The following ARHGAP12 variants were observed in gnomAD, a reference collection of about 807,000 sequenced individuals.
ARHGAP12 encodes the protein Rho GTPase activating protein 12.
In ARHGAP12, 64 loss-of-function variants were observed where a neutral mutation model predicts 108.6. That is an observed-to-expected ratio of 0.59 (90% CI 0.48 to 0.73). The LOEUF (loss-of-function observed/expected upper bound fraction) is 0.73, where lower values mean the gene tolerates loss of function less well. ARHGAP12 is among the 30% of genes least tolerant of loss of function. The probability of loss-of-function intolerance (pLI) is 0.00; values close to 1 mark genes in which losing one functional copy is unlikely to be tolerated. For synonymous variants in ARHGAP12, 312 were observed against 337.2 expected (o/e 0.93, Z 0.82); for missense variants, 940 against 1,005.9 (o/e 0.93, Z 0.89).
chr10:31,842,337 T>C (rs1173590263), intron 7 of ARHGAP12, among the ~76,000 whole-genome samples: 3 of 152,096 alleles, frequency 2.0e-5, no homozygotes, highest in Non-Finnish European at 2.9e-5. Flanking sequence ...TAGGTATTTT[T>C]CTTACCTAGA....
chr10:31,840,532 AAG>A (rs1255402843), intron 7 of ARHGAP12, among the ~76,000 whole-genome samples: 1 of 152,094 alleles, frequency 6.6e-6, no homozygotes, highest in Non-Finnish European at 1.5e-5. Flanking sequence ...ATTTCAGAAA[AAG>A]AGAATTTTTT....
At chr10:31,832,724 A>G (rs757085851) in intron 9 of ARHGAP12, among the ~76,000 whole-genome samples, 2 of 152,210 alleles carry the variant, frequency 1.3e-5, no homozygotes, top group East Asian at 1.9e-4. Flanking sequence ...TTACTCTGCT[A>G]TATTTTCTCA....
chr10:31,919,958 A>C (rs572745639), intron 1 of ARHGAP12, among the ~76,000 whole-genome samples: 3 of 151,572 alleles, frequency 2.0e-5, no homozygotes, highest in Admixed American at 2.0e-4. Context: ...TCTACTAAAA[A>C]TACAAAAATT....
At chr10:31,818,388 A>C (rs1403568244) in intron 12 of ARHGAP12, among the ~76,000 whole-genome samples, 2 of 152,232 alleles carry the variant, frequency 1.3e-5, no homozygotes, top group Non-Finnish European at 2.9e-5. Flanking sequence ...GAGCAGGCAT[A>C]AATGTCACAC....
chr10:31,925,891 T>C (rs1339967646), intron 1 of ARHGAP12, among the ~76,000 whole-genome samples: 2 of 143,988 alleles, frequency 1.4e-5, no homozygotes, highest in African/African-American at 4.9e-5. Flanking sequence ...AAATATCTCA[T>C]TAATAATTTT....
At chr10:31,814,920 C>A (rs184715422) in intron 13 of ARHGAP12, among the ~76,000 whole-genome samples, 3 of 151,958 alleles carry the variant, frequency 2.0e-5, no homozygotes, top group South Asian at 2.1e-4. Context: ...GAGATTGAGA[C>A]CAGCCTGGCC....
chr10:31,926,567 A>C (rs1397370032), intron 1 of ARHGAP12, among the ~76,000 whole-genome samples: 2 of 152,200 alleles, frequency 1.3e-5, no homozygotes, highest in Non-Finnish European at 2.9e-5. Flanking sequence ...TGTGATGCCC[A>C]TTTTCTCAGG....
intron 3 of ARHGAP12, among the ~76,000 whole-genome samples, chr10:31,885,274 G>A (rs999529486): frequency 7.2e-5 from 11 of 151,940 alleles, no homozygotes; most frequent in African/African-American, 2.7e-4. Flanking sequence ...TCTTAACCTG[G>A]GAACAGGAAA....
Position 31,820,474 on chromosome 10 carries a change from C to G in ARHGAP12, c.1545G>C (p.Gln515His). Reference protein sequence around the residue: ...GSSTSWFGSNQSKPEFTVDLK... With the variant: ...GSSTSWFGSNHSKPEFTVDLK... ...GGTCCACTGTGAACTCTGGTTTGGA[C>G]TGATTACTGCCAAACTTCATTTTTG... is the stretch of plus-strand genomic sequence containing the variant. The change falls in exon 12 of 20, where the codon CAG becomes CAC. Residue 515 changes from glutamine to histidine, a missense_variant. Transcript: ENST00000344936. The G allele has an allele frequency of 6.3e-7, 1 of 1,595,000 alleles. No individual in the cohort carries two copies. The highest frequency in any genetic ancestry group is 1.2e-5 in the South Asian group (1 of 86,906).
intron 1 of ARHGAP12, among the ~76,000 whole-genome samples, chr10:31,927,958 A>G (rs999428722): frequency 6.6e-6 from 1 of 152,202 alleles, no homozygotes; most frequent in African/African-American, 2.4e-5. Context: ...TTCCGCCCAG[A>G]TAAGCTGGAG....
chr10:31,813,807 T>C (rs1835102638), intron 14 of ARHGAP12, among the ~76,000 whole-genome samples: 1 of 152,214 alleles, frequency 6.6e-6, no homozygotes, highest in Non-Finnish European at 1.5e-5. Context: ...ATAGAAACGC[T>C]TGCATCTGTT....
intron 3 of ARHGAP12, among the ~76,000 whole-genome samples, chr10:31,903,220 T>G (rs1838998951): frequency 6.6e-6 from 1 of 152,230 alleles, no homozygotes. Flanking sequence ...GTATAGCCTA[T>G]TGCTCCTAGG....
intron 11 of ARHGAP12, among the ~76,000 whole-genome samples, chr10:31,824,881 T>C (rs1835548545): frequency 6.6e-6 from 1 of 152,146 alleles, no homozygotes; most frequent in Non-Finnish European, 1.5e-5. Flanking sequence ...TCATCCATTT[T>C]CTTCACTCAA....
At chr10:31,846,533 T>C (rs1453594662) in intron 6 of ARHGAP12, among the ~76,000 whole-genome samples, 1 of 152,256 alleles carries the variant, frequency 6.6e-6, no homozygotes, top group African/African-American at 2.4e-5. Context: ...AAAAATGTTA[T>C]GCCACTTCTT....
intron 3 of ARHGAP12, among the ~76,000 whole-genome samples, chr10:31,905,829 A>G (rs1217413044): frequency 6.6e-6 from 1 of 151,972 alleles, no homozygotes; most frequent in Non-Finnish European, 1.5e-5. Context: ...GTATTTATAG[A>G]TCTGATGGTG....
chr10:31,866,661 G>T (rs555888093), intron 3 of ARHGAP12, among the ~76,000 whole-genome samples: 170 of 152,198 alleles, frequency 1.1e-3, no homozygotes, highest in African/African-American at 3.8e-3. Flanking sequence ...TGTTGCCCAG[G>T]CTGGAGTGTA....
At chr10:31,865,944 A>G (rs551855377) in intron 3 of ARHGAP12, among the ~76,000 whole-genome samples, 3 of 152,112 alleles carry the variant, frequency 2.0e-5, no homozygotes, top group Non-Finnish European at 4.4e-5. Context: ...TCAATAACAT[A>G]TGAAAGCATA....
At chr10:31,867,309 T>C (rs1837365206) in intron 3 of ARHGAP12, among the ~76,000 whole-genome samples, 1 of 152,100 alleles carries the variant, frequency 6.6e-6, no homozygotes, top group Non-Finnish European at 1.5e-5. Context: ...GACTCCGTAT[T>C]TGTGAAATAC....
At chr10:31,850,976 T>C (rs1228245634) in intron 6 of ARHGAP12, among the ~76,000 whole-genome samples, 1 of 152,174 alleles carries the variant, frequency 6.6e-6, no homozygotes, top group Non-Finnish European at 1.5e-5. Flanking sequence ...CCCTGAAATA[T>C]GTGATTTGTG....
Sources: allele counts gnomAD v4.1 joint callset (sites outside exome capture counted in the v4.1 genomes callset), GRCh38; gene constraint gnomAD v4.1.1; transcripts MANE v1.5; gene names NCBI Gene and HGNC (gene_info 2026-07-23, HGNC 2026-07-21).